The following CD38 variants were observed in gnomAD, a reference collection of about 807,000 sequenced individuals.
CD38 encodes the protein ADP-ribosyl cyclase/cyclic ADP-ribose hydrolase 1.
Under a neutral mutation model 36.3 loss-of-function variants are expected in CD38, and 31 were observed. That is an observed-to-expected ratio of 0.85 (90% CI 0.64 to 1.15). CD38 has a LOEUF of 1.15. CD38 is among the 50% of genes most tolerant of loss of function. The pLI is 0.00. For synonymous variants in CD38, 131 were observed against 135.2 expected (o/e 0.97, Z 0.22); for missense variants, 380 against 371.9 (o/e 1.02, Z -0.18).
At chr4:15,827,526 T>C (rs1723873949) in intron 3 of CD38, among the ~76,000 whole-genome samples, 1 of 152,170 alleles carries the variant, frequency 6.6e-6, no homozygotes, top group African/African-American at 2.4e-5. Context: ...TGTTTTTCCA[T>C]TAATTTTTTT....
At chr4:15,792,462 A>AG (rs1355997853) in intron 1 of CD38, among the ~76,000 whole-genome samples, 15 of 146,926 alleles carry the variant, frequency 1.0e-4, no homozygotes, top group Middle Eastern at 3.6e-3. Flanking sequence ...AATCAAGAAA[A>AG]AAAAAGAAAA....
At chr4:15,821,694 C>CA (rs59688929) in intron 2 of CD38, among the ~76,000 whole-genome samples, 1,620 of 77,618 alleles carry the variant, frequency 0.021, 20 homozygotes, top group African/African-American at 0.038. Flanking sequence ...AAATACCAAC[C>CA]AAAAAAAAAA....
intron 1 of CD38, among the ~76,000 whole-genome samples, chr4:15,811,528 GTT>G (rs534968824): frequency 5.4e-5 from 8 of 147,844 alleles, no homozygotes; most frequent in African/African-American, 1.7e-4. Flanking sequence ...GAAAAGTGTT[GTT>G]TTTTTTTTCC....
At chr4:15,833,969 T>C (rs533309362) in intron 3 of CD38, among the ~76,000 whole-genome samples, 1 of 152,310 alleles carries the variant, frequency 6.6e-6, no homozygotes, top group African/African-American at 2.4e-5. Context: ...TTTGGTAGCA[T>C]TTCCCAGAAC....
At position 15,848,771 on chromosome 4, in the gene CD38, C is replaced by A; in HGVS notation, c.*169C>A. 1.9e-6 allele frequency: 1 copy of A among 529,450 alleles called. No homozygotes were observed. Among genetic ancestry groups the A allele is most frequent in the Admixed American group, 3.1e-5 (1 of 32,618 alleles). 32.8% of individuals were successfully genotyped at this position (529,450 alleles called of 1,614,324 possible). A position where few individuals can be genotyped will look rare whatever the true frequency, so the allele number is the denominator to read the frequency against. On this transcript the variant is annotated 3_prime_UTR_variant, in exon 8 of 8. Coordinates refer to ENST00000226279, the MANE Select transcript of CD38 (RefSeq NM_001775.4). ...CCCAAAGTCTTAAAATAACTTATAT[C>A]ATCAGCATACCTTTATTGTGATCTA...
intron 1 of CD38, among the ~76,000 whole-genome samples, chr4:15,788,617 C>T (rs1722892176): frequency 6.6e-6 from 1 of 152,230 alleles, no homozygotes; most frequent in East Asian, 1.9e-4. Flanking sequence ...AGACTTGTTG[C>T]ACGGGGGTAG....
chr4:15,792,370 C>A (rs1181456715), intron 1 of CD38, among the ~76,000 whole-genome samples: 1 of 127,108 alleles, frequency 7.9e-6, no homozygotes, highest in Non-Finnish European at 1.6e-5. Flanking sequence ...CCACTATTGT[C>A]CTATGACCCT....
chr4:15,840,647 C>T, intron 7 of CD38, 109 bp downstream of exon 7: 1 of 648,944 alleles, frequency 1.5e-6, no homozygotes, highest in Admixed American at 2.8e-5. Flanking sequence ...CTTTCTTGGG[C>T]CTTGATGATG....
intron 1 of CD38, among the ~76,000 whole-genome samples, chr4:15,786,200 G>C (rs1560305667): frequency 6.6e-6 from 1 of 152,176 alleles, no homozygotes; most frequent in Non-Finnish European, 1.5e-5. Flanking sequence ...TGTAGAACGG[G>C]ACGCCAATGG....
At chr4:15,829,297 T>C (rs1297040106) in intron 3 of CD38, among the ~76,000 whole-genome samples, 1 of 152,186 alleles carries the variant, frequency 6.6e-6, no homozygotes, top group Non-Finnish European at 1.5e-5. Context: ...GATATAGATA[T>C]ACAGTGCATA....
At chr4:15,793,193 T>C (rs1214583532) in intron 1 of CD38, among the ~76,000 whole-genome samples, 3 of 152,010 alleles carry the variant, frequency 2.0e-5, no homozygotes, top group Non-Finnish European at 4.4e-5. Context: ...CTTCCAAATT[T>C]ATATCTCCAA....
intron 1 of CD38, among the ~76,000 whole-genome samples, chr4:15,794,499 G>C (rs995541853): frequency 6.6e-6 from 1 of 152,188 alleles, no homozygotes; most frequent in Non-Finnish European, 1.5e-5. Context: ...CAGAAAGAGG[G>C]GGTATAATCA....
At chr4:15,808,878 G>A (rs1723402368) in intron 1 of CD38, among the ~76,000 whole-genome samples, 2 of 152,282 alleles carry the variant, frequency 1.3e-5, no homozygotes, top group Admixed American at 6.5e-5. Context: ...AAATATTGTA[G>A]GGGGCTCGCC....
At chr4:15,810,714 T>C (rs1723449468) in intron 1 of CD38, among the ~76,000 whole-genome samples, 1 of 152,184 alleles carries the variant, frequency 6.6e-6, no homozygotes, top group African/African-American at 2.4e-5. Context: ...AGTGGAAATA[T>C]GGTGCACAGA....
intron 1 of CD38, among the ~76,000 whole-genome samples, chr4:15,805,121 T>C (rs933397943): frequency 6.6e-6 from 1 of 152,212 alleles, no homozygotes; most frequent in African/African-American, 2.4e-5. Context: ...TTATATATTC[T>C]GAAAAGAAGT....
At chr4:15,820,401 G>C (rs1398690026) in intron 2 of CD38, among the ~76,000 whole-genome samples, 4 of 152,196 alleles carry the variant, frequency 2.6e-5, no homozygotes, top group African/African-American at 9.6e-5. Context: ...GGAATGGCAA[G>C]CTGGATAGTC....
intron 1 of CD38, among the ~76,000 whole-genome samples, chr4:15,782,977 G>A (rs1173060980): frequency 6.6e-6 from 1 of 152,186 alleles, no homozygotes; most frequent in Non-Finnish European, 1.5e-5. Context: ...GGTGAGTATT[G>A]AAGCTTGTTC....
intron 1 of CD38, among the ~76,000 whole-genome samples, chr4:15,792,859 T>A (rs914005377): frequency 2.6e-5 from 4 of 152,206 alleles, no homozygotes; most frequent in Non-Finnish European, 5.9e-5. Context: ...TAAAATGTAG[T>A]TTTATAATTG....
intron 6 of CD38, 36 bp downstream of exon 6, chr4:15,840,154 A>T (rs777582186): frequency 4.9e-6 from 7 of 1,425,954 alleles, no homozygotes; most frequent in Non-Finnish European, 6.9e-6. Flanking sequence ...GTGTTATTTT[A>T]TGAATCAGTC....
Sources: gnomAD v4.1 joint callset for allele counts (sites outside exome capture counted in the v4.1 genomes callset) on GRCh38, gnomAD v4.1.1 for gene constraint, MANE v1.5 for transcripts, NCBI Gene and HGNC (gene_info 2026-07-23, HGNC 2026-07-21) for gene names.